The following CHODL variants were observed in gnomAD, a reference collection of about 807,000 sequenced individuals.
CHODL encodes chondrolectin, also known as transmembrane protein MT75.
Under a neutral mutation model 34.5 loss-of-function variants are expected in CHODL, and 29 were observed. The ratio of observed to expected loss-of-function variants is 0.84; its 90% CI spans 0.63 to 1.15. CHODL has a LOEUF of 1.15. Ranked by LOEUF, CHODL falls within the 50% of genes most tolerant of loss-of-function variation. The probability of loss-of-function intolerance (pLI) is 0.00; values close to 1 mark genes in which losing one functional copy is unlikely to be tolerated. For synonymous variants in CHODL, 125 were observed against 116.1 expected, an observed-to-expected ratio of 1.08 and a Z score of -0.49; for missense variants, 332 against 332.5, an observed-to-expected ratio of 1.00 and a Z score of 0.01.
chr21:17,985,659 A>G (rs1431041794), intron 1 of CHODL, among the ~76,000 whole-genome samples: 2 of 152,208 alleles, frequency 1.3e-5, no homozygotes, highest in Non-Finnish European at 2.9e-5. Context: ...CCTAAAATAT[A>G]CTTTCCACTT....
At chr21:18,136,039 G>A (rs192896268) in intron 2 of CHODL, among the ~76,000 whole-genome samples, 11 of 143,352 alleles carry the variant, frequency 7.7e-5, no homozygotes, top group Admixed American at 7.3e-4. Context: ...CCTGGGAGAC[G>A]GAGGTTGCAG....
intron 2 of CHODL, among the ~76,000 whole-genome samples, chr21:18,061,905 C>A (rs1343302726): frequency 2.0e-5 from 3 of 152,118 alleles, no homozygotes; most frequent in Non-Finnish European, 4.4e-5. Flanking sequence ...ATGAAAATGA[C>A]AAAGATACAG....
chr21:17,983,361 T>G (rs1262585537), intron 1 of CHODL, among the ~76,000 whole-genome samples: 1 of 152,226 alleles, frequency 6.6e-6, no homozygotes, highest in African/African-American at 2.4e-5. Flanking sequence ...ACATACATCT[T>G]GTGACCTTGG....
chr21:18,113,180 T>C (rs1462932124), intron 2 of CHODL, among the ~76,000 whole-genome samples: 1 of 152,122 alleles, frequency 6.6e-6, no homozygotes, highest in Non-Finnish European at 1.5e-5. Context: ...CTCAATAACA[T>C]TCACCATCAG....
intron 2 of CHODL, among the ~76,000 whole-genome samples, chr21:18,044,410 T>G (rs571208784): frequency 2.6e-4 from 39 of 152,088 alleles, no homozygotes; most frequent in African/African-American, 8.9e-4. Context: ...ACCACATCGT[T>G]GAGACTGCAG....
In CHODL at chr21:18,237,873, A is replaced by G. The variant is rs538624395; in HGVS notation, c.-44-18636A>G. ...ACCACCTACTGGTGGAGAATAAACTAGCTCAGAGCTTACAACCTAGTAGAG... is the reference window on the plus strand; with the variant it reads ...ACCACCTACTGGTGGAGAATAAACTGGCTCAGAGCTTACAACCTAGTAGAG... On this transcript the variant is annotated intron_variant, in intron 2 of 6. Coordinates refer to the CHODL transcript ENST00000400127. Among the ~76,000 whole-genome samples the G allele has an allele frequency of 7.2e-5, 11 of 152,290 alleles. No homozygotes were observed. In the East Asian group the frequency reaches 2.1e-3, roughly 29 times the overall value.
At chr21:18,084,944 T>G (rs556466559) in intron 2 of CHODL, among the ~76,000 whole-genome samples, 25 of 151,912 alleles carry the variant, frequency 1.6e-4, no homozygotes, top group Admixed American at 1.4e-3. Flanking sequence ...TGTGTGTGTG[T>G]GTGTGTGTGT....
At chr21:18,100,520 A>T (rs570060322) in intron 2 of CHODL, among the ~76,000 whole-genome samples, 5 of 152,288 alleles carry the variant, frequency 3.3e-5, no homozygotes, top group African/African-American at 1.2e-4. Flanking sequence ...TCCATATGCA[A>T]TTCCTAATGT....
intron 2 of CHODL, among the ~76,000 whole-genome samples, chr21:18,082,440 C>CT (rs34551859): frequency 0.85 from 128,534 of 152,078 alleles, 54,634 homozygotes; most frequent in East Asian, 1. Context: ...TATAAAGATA[C>CT]TGAAAATGTG....
chr21:18,191,078 G>A (rs1321251999), intron 2 of CHODL, among the ~76,000 whole-genome samples: 1 of 152,070 alleles, frequency 6.6e-6, no homozygotes, highest in African/African-American at 2.4e-5. Context: ...AACTCTTAGA[G>A]ATAAAAGTTT....
chr21:18,154,364 G>A (rs1204642695), intron 2 of CHODL, among the ~76,000 whole-genome samples: 1 of 152,068 alleles, frequency 6.6e-6, no homozygotes, highest in African/African-American at 2.4e-5. Context: ...ACCAGGATTA[G>A]TTTGCATGAA....
chr21:18,233,526 G>T (rs1250229646), intron 2 of CHODL, among the ~76,000 whole-genome samples: 1 of 152,072 alleles, frequency 6.6e-6, no homozygotes, highest in Non-Finnish European at 1.5e-5. Context: ...ATTAATTGTT[G>T]TTATTATTGT....
intron 1 of CHODL, among the ~76,000 whole-genome samples, chr21:18,018,905 C>T (rs1365159146): frequency 6.6e-6 from 1 of 152,212 alleles, no homozygotes; most frequent in Admixed American, 6.5e-5. Flanking sequence ...AACGAATAGG[C>T]ACACACCTTG....
At chr21:18,098,062 C>G (rs1468133981) in intron 2 of CHODL, among the ~76,000 whole-genome samples, 1 of 151,904 alleles carries the variant, frequency 6.6e-6, no homozygotes, top group African/African-American at 2.4e-5. Flanking sequence ...AAAATAAAAT[C>G]TAAATGGATT....
At chr21:18,241,996 C>G (rs992452128), upstream of CHODL, among the ~76,000 whole-genome samples, 1 of 142,570 alleles carries the variant, frequency 7.0e-6, no homozygotes, top group Admixed American at 7.0e-5. Flanking sequence ...TCATTTGAGT[C>G]TTTTTTTTTT....
At chr21:18,038,705 C>G (rs988317927) in intron 2 of CHODL, among the ~76,000 whole-genome samples, 4 of 151,610 alleles carry the variant, frequency 2.6e-5, no homozygotes, top group African/African-American at 9.7e-5. Context: ...TAAACACATA[C>G]TTCAGAGTAG....
In CHODL at chr21:18,245,223, G is replaced by C; in HGVS notation, c.-1G>C. 1.4e-6 allele frequency: 2 copies of C among 1,462,336 alleles called. No individual in the cohort carries two copies. The highest frequency in any genetic ancestry group is 1.8e-6 in the Non-Finnish European group (2 of 1,106,296). The allele number at this position is 1,462,336 out of a possible 1,614,324, so 90.6% of individuals were successfully genotyped here. A position where few individuals can be genotyped will look rare whatever the true frequency, so the allele number is the denominator to read the frequency against. ...ACACCTGCTGCTGCCACCGCGCCGC[G>C]ATGAGCCGCGTGGTCTCGCTGCTGC... is the stretch of plus-strand genomic sequence containing the variant. On this transcript the variant is annotated 5_prime_UTR_variant, in exon 1 of 6. Transcript: ENST00000299295.
chr21:17,998,621 T>G (rs768835625), intron 1 of CHODL, among the ~76,000 whole-genome samples: 2 of 152,212 alleles, frequency 1.3e-5, no homozygotes, highest in Non-Finnish European at 2.9e-5. Context: ...CCTCAATCCT[T>G]TACTTCTGTG....
chr21:17,960,994 A>G (rs1158337454), intron 1 of CHODL, among the ~76,000 whole-genome samples: 1 of 152,130 alleles, frequency 6.6e-6, no homozygotes, highest in East Asian at 1.9e-4. Context: ...ATAACATTCA[A>G]ACTCAACTAC....
Sources: gnomAD v4.1 joint callset for allele counts (sites outside exome capture counted in the v4.1 genomes callset) on GRCh38, gnomAD v4.1.1 for gene constraint, MANE v1.5 for transcripts, NCBI Gene and HGNC (gene_info 2026-07-23, HGNC 2026-07-21) for gene names.